ISL2: variants seen among roughly 807,000 people sequenced by gnomAD.
ISL2 encodes ISL LIM homeobox 2.
In ISL2, 17 loss-of-function variants were observed where a neutral mutation model predicts 34.6. The observed-to-expected ratio is 0.49, with a 90% CI of 0.34 to 0.74. The LOEUF (loss-of-function observed/expected upper bound fraction) is 0.74. ISL2 is among the 30% of genes least tolerant of loss of function. The pLI is 0.01. For synonymous variants in ISL2, 232 were observed against 225.5 expected, an observed-to-expected ratio of 1.03 and a Z score of -0.26; for missense variants, 469 against 515.2, an observed-to-expected ratio of 0.91 and a Z score of 0.87.
chr15:76,338,576 G>A, intron 3 of ISL2, 62 bp downstream of exon 3: 1 of 1,269,318 alleles, frequency 7.9e-7, no homozygotes, highest in Non-Finnish European at 9.9e-7. Context: ...GTGTGTAGGG[G>A]TACGCTTGTG....
At position 76,341,796 on chromosome 15, in the gene ISL2, C is replaced by A. The variant is rs752079607; in HGVS notation, c.1041C>A (p.Asp347Glu). The A allele has an allele frequency of 6.2e-7, 1 of 1,613,830 alleles. No individual in the cohort carries two copies. The highest frequency in any genetic ancestry group is 8.5e-7 in the Non-Finnish European group (1 of 1,179,986). Reference protein sequence around the residue: ...DVTSLSSQLPDTPNSMVPSPV... With the variant: ...DVTSLSSQLPETPNSMVPSPV... ...CCTCCCTGTCCTCGCAGCTCCCGGA[C>A]ACCCCCAACAGTATGGTGCCGAGTC... The change falls in exon 6 of 6, where the codon GAC (aspartate) becomes GAA (glutamate). Residue 347 changes from aspartate to glutamate, a missense_variant. Asp to Glu is a conservative substitution (Grantham distance 45). Around this residue, in one of 3 missense-constraint regions of ISL2, gnomAD observed 169 missense variants for 154.2 expected, o/e 1.10. Coordinates refer to ENST00000290759, the MANE Select transcript of ISL2 (RefSeq NM_145805.3).
chr15:76,341,295 A>T lies in ISL2; in HGVS notation c.957A>T (p.Gln319His). The T allele has an allele frequency of 6.3e-7, 1 of 1,596,726 alleles. No individual in the cohort carries two copies. Among genetic ancestry groups the T allele is most frequent in the South Asian group, 1.1e-5 (1 of 88,802 alleles). Residue 319 changes from glutamine to histidine, a missense_variant, in exon 5 of 6, where the codon CAA becomes CAT. Gln to His is a conservative substitution (Grantham distance 24). This residue lies in a region of ISL2 where 169 missense variants were observed against 154.2 expected (regional missense o/e 1.10). Coordinates refer to ENST00000290759, the MANE Select transcript of ISL2 (RefSeq NM_145805.3). ...GCGACCTGGACCAACCCGCCTTCCA[A>T]CAGCTGGTGAGGCCCTGCCCTACCC... is the stretch of plus-strand genomic sequence containing the variant. ...LQSDLDQPAF[Q>H]QLVSFSESGS...
chr15:76,340,221 G>A, intron 3 of ISL2, 55 bp from the exon 4 acceptor site: 5 of 1,475,280 alleles, frequency 3.4e-6, no homozygotes, highest in South Asian at 2.7e-5. Context: ...GGTTGGGCTC[G>A]GGGCGGGTGG....
At position 76,342,052 on chromosome 15, in the gene ISL2, T is replaced by G. The variant is rs990685325; in HGVS notation, c.*217T>G. Reference sequence around the variant, plus strand: ...AGACCCCTGCTCCGAGGACTCTTAGTTTTTCAAAACCAGAATCTGGGACTT... The same window carrying G: ...AGACCCCTGCTCCGAGGACTCTTAGGTTTTCAAAACCAGAATCTGGGACTT... On this transcript the variant is annotated 3_prime_UTR_variant, in exon 6 of 6. Transcript: ENST00000290759. 2 of 502,046 alleles carry G rather than the reference T, an allele frequency of 4.0e-6. No individual in the cohort carries two copies. The highest frequency in any genetic ancestry group is 3.4e-5 in the Admixed American group (1 of 29,316). The allele number at this position is 502,046 out of a possible 1,614,324, so 31.1% of individuals were successfully genotyped here.
In ISL2 at chr15:76,337,911, G is replaced by A; in HGVS notation, c.192G>A (p.Glu64=). Reference sequence around the variant, plus strand: ...CCGAGTGCAGCCAGTACCTGGACGAGACGTGCACGTGCTTCGTGAGAGACG... The same window carrying A: ...CCGAGTGCAGCCAGTACCTGGACGAAACGTGCACGTGCTTCGTGAGAGACG... ...KCAECSQYLD[E]TCTCFVRDGK... The change falls in exon 2 of 6, where the codon GAG becomes GAA. Residue 64 remains glutamate (E), a synonymous_variant. Coordinates refer to ENST00000290759, the MANE Select transcript of ISL2 (RefSeq NM_145805.3). 6.2e-7 allele frequency: 1 copy of A among 1,612,324 alleles called. No individual in the cohort carries two copies. The highest frequency in any genetic ancestry group is 8.5e-7 in the Non-Finnish European group (1 of 1,179,436).
intron 4 of ISL2, among the ~76,000 whole-genome samples, chr15:76,340,784 G>A (rs1398809733): frequency 6.6e-6 from 1 of 152,278 alleles, no homozygotes; most frequent in Non-Finnish European, 1.5e-5. Context: ...CCGCGTTGCG[G>A]GTTCCGGGCG....
chr15:76,341,226 G>C lies in ISL2; in HGVS notation c.888G>C (p.Thr296=), dbSNP rs769228772. Residue 296 remains threonine (T), a synonymous_variant, in exon 5 of 6, where the codon ACG becomes ACC. Coordinates refer to ENST00000290759, the MANE Select transcript of ISL2 (RefSeq NM_145805.3). ...AVQGSAVEVQ[T]YQPPWKALSE... ...AGGGCAGCGCAGTGGAGGTGCAGAC[G>C]TACCAGCCGCCGTGGAAGGCGCTCA... is the stretch of plus-strand genomic sequence containing the variant. 2 of 1,611,756 alleles carry C rather than the reference G, an allele frequency of 1.2e-6. No homozygotes were observed. The highest frequency in any genetic ancestry group is 2.2e-5 in the South Asian group (2 of 90,718).
chr15:76,341,182 C>A lies in ISL2; in HGVS notation c.844C>A (p.Arg282Ser). 6.2e-7 allele frequency: 1 copy of A among 1,612,826 alleles called. No homozygotes were observed. Among genetic ancestry groups the A allele is most frequent in the Non-Finnish European group, 8.5e-7 (1 of 1,179,896 alleles). Residue 282 changes from arginine (R) to serine (S), a missense_variant, in exon 5 of 6, where the codon CGC (arginine) becomes AGC (serine). Physicochemically the swap from Arg to Ser is moderately radical, Grantham distance 110. Transcript: ENST00000290759. ...GCCCCTGGTGGCGGGCAGTCCCATCCGCCATGAGAACGCCGTGCAGGGCAG... is the reference window on the plus strand; with the variant it reads ...GCCCCTGGTGGCGGGCAGTCCCATCAGCCATGAGAACGCCGTGCAGGGCAG... ...GTPLVAGSPI[R>S]HENAVQGSAV...
chr15:76,339,230 T>C (rs874223), intron 3 of ISL2: 868,186 of 985,256 alleles, frequency 0.88, 384,386 homozygotes, highest in South Asian at 0.93. Flanking sequence ...CACAGATCCG[T>C]AGACCAGGCT....
At position 76,341,711 on chromosome 15, in the gene ISL2, C is replaced by G; in HGVS notation, c.964-8C>G. The G allele has an allele frequency of 6.2e-7, 1 of 1,601,498 alleles. No individual in the cohort carries two copies. Among genetic ancestry groups the G allele is most frequent in the Non-Finnish European group, 8.6e-7 (1 of 1,168,752 alleles). ...ACCTGCCTCTTCCCGGTGTTTCCGC[C>G]GCCCCAGGTCTCCTTCTCCGAGTCC... On this transcript the variant is annotated splice_region_variant and splice_polypyrimidine_tract_variant and intron_variant, in intron 5 of 5. Transcript: ENST00000290759.
chr15:76,339,041 C>T, intron 3 of ISL2: 1 of 985,344 alleles, frequency 1.0e-6, no homozygotes. Context: ...TAGCCAGGTT[C>T]TTCTGGGGGA....
chr15:76,339,172 C>T (rs1440368045), intron 3 of ISL2: 15 of 985,236 alleles, frequency 1.5e-5, no homozygotes, highest in Middle Eastern at 5.2e-4. Context: ...ACAGAGGTGC[C>T]TCCACCCCAG....
Position 76,340,472 on chromosome 15 carries a change from C to T in ISL2, c.708C>T (p.Arg236=). Residue 236 remains arginine, a synonymous_variant, in exon 4 of 6, where the codon CGC becomes CGT. Transcript: ENST00000290759. ...CCGGCCTGAGCCCGCGGGTCATCCG[C>T]GTCTGGTTCCAGAACAAGCGCTGCA... is the stretch of plus-strand genomic sequence containing the variant. ...EMTGLSPRVI[R]VWFQNKRCKD... The T allele has an allele frequency of 1.2e-6, 2 of 1,613,838 alleles. No homozygotes were observed. The highest frequency in any genetic ancestry group is 1.7e-5 in the Admixed American group (1 of 60,038).
At position 76,340,502 on chromosome 15, in the gene ISL2, CAAG is replaced by C; in HGVS notation, c.744_746del (p.Lys249del). ...GGTTCCAGAACAAGCGCTGCAAGGA[CAAG>C]AAGAAATCCATTCTCATGAAGCAGC... On this transcript the variant is annotated inframe_deletion, in exon 4 of 6. Coordinates refer to ENST00000290759, the MANE Select transcript of ISL2 (RefSeq NM_145805.3). The C allele has an allele frequency of 6.2e-7, 1 of 1,613,614 alleles. No homozygotes were observed. The highest frequency in any genetic ancestry group is 1.1e-5 in the South Asian group (1 of 91,078).
In ISL2 at chr15:76,338,387, C is replaced by G. The variant is rs1300405567; in HGVS notation, c.384C>G (p.Asp128Glu). 6.5e-7 allele frequency: 1 copy of G among 1,542,326 alleles called. No homozygotes were observed. ...GCAGCCGCCAGCTGCTGCCTGGGGA[C>G]GAGTTCTCGCTGCGGGAGCACGAGC... ...SVCSRQLLPGDEFSLREHELL... is the reference protein window; with the variant it reads ...SVCSRQLLPGEEFSLREHELL... Residue 128 changes from aspartate (D) to glutamate (E), a missense_variant, in exon 3 of 6, where the codon GAC becomes GAG. Transcript: ENST00000290759.
intron 3 of ISL2, 178 bp downstream of exon 3, chr15:76,338,692 G>A: frequency 1.0e-6 from 1 of 985,418 alleles, no homozygotes; most frequent in South Asian, 4.7e-5. Flanking sequence ...GTGTATTCTC[G>A]TGTGCTCGGG....
At position 76,341,763 on chromosome 15, in the gene ISL2, C is replaced by T. The variant is rs777682157; in HGVS notation, c.1008C>T (p.Ser336=). The T allele has an allele frequency of 1.2e-6, 2 of 1,613,892 alleles. No homozygotes were observed. Among genetic ancestry groups the T allele is most frequent in the African/African-American group, 2.7e-5 (2 of 74,930 alleles). The change falls in exon 6 of 6, where the codon AGC becomes AGT. Residue 336 remains serine (S), a synonymous_variant. Coordinates refer to ENST00000290759, the MANE Select transcript of ISL2 (RefSeq NM_145805.3). ...ESGSLGNSSG[S]DVTSLSSQLP... ...GCTCCCTAGGCAACTCCTCCGGCAG[C>T]GACGTGACCTCCCTGTCCTCGCAGC... is the stretch of plus-strand genomic sequence containing the variant.
chr15:76,339,096 G>A (rs1312546194), intron 3 of ISL2: 8 of 985,272 alleles, frequency 8.1e-6, no homozygotes, highest in Non-Finnish European at 9.6e-6. Flanking sequence ...AATATTCTGG[G>A]TCCTAATCAG....
chr15:76,340,608 C>T, intron 4 of ISL2, 49 bp downstream of exon 4: 1 of 1,556,768 alleles, frequency 6.4e-7, no homozygotes, highest in Non-Finnish European at 8.7e-7. Flanking sequence ...GGCTGCGCTT[C>T]CGCCGCGGTA....
Sources: gnomAD v4.1 joint callset for allele counts (sites outside exome capture counted in the v4.1 genomes callset) on GRCh38, gnomAD v4.1.1 for gene constraint, gnomAD v4.1.1 regional missense constraint, MANE v1.5 for transcripts, NCBI Gene and HGNC (gene_info 2026-07-23, HGNC 2026-07-21) for gene names.